The following KPNA3 variants were observed in gnomAD, a reference collection of about 807,000 sequenced individuals.
KPNA3 encodes the protein karyopherin subunit alpha 3.
Under a neutral mutation model 73.8 loss-of-function variants are expected in KPNA3, and 13 were observed. The ratio of observed to expected loss-of-function variants is 0.18; its 90% CI spans 0.11 to 0.28. The LOEUF (loss-of-function observed/expected upper bound fraction) is 0.28. KPNA3 is among the 10% of genes least tolerant of loss of function. KPNA3 has a pLI of 1.00. For synonymous variants in KPNA3, 186 were observed against 206.9 expected, an observed-to-expected ratio of 0.90 and a Z score of 0.87; for missense variants, 360 against 618.1, an observed-to-expected ratio of 0.58 and a Z score of 4.43.
At chr13:49,714,644 T>C (rs1377867446) in intron 10 of KPNA3, among the ~76,000 whole-genome samples, 1 of 152,144 alleles carries the variant, frequency 6.6e-6, no homozygotes, top group Non-Finnish European at 1.5e-5. Context: ...ACAGACTTGA[T>C]GCTATATAAA....
chr13:49,776,688 T>TTA, intron 1 of KPNA3, among the ~76,000 whole-genome samples: 1 of 152,170 alleles, frequency 6.6e-6, no homozygotes, highest in Non-Finnish European at 1.5e-5. Flanking sequence ...TATACAAGGA[T>TTA]CATTCCCAAA....
chr13:49,765,385 CT>C (rs1318475663), intron 1 of KPNA3, among the ~76,000 whole-genome samples: 2 of 152,150 alleles, frequency 1.3e-5, no homozygotes, highest in Non-Finnish European at 2.9e-5. Flanking sequence ...GAACCATTAC[CT>C]TTTTTGTCAT....
At chr13:49,725,546 CTTAAA>C (rs1271351079) in intron 6 of KPNA3, 45 bp from the exon 7 acceptor site, 15 of 1,180,456 alleles carry the variant, frequency 1.3e-5, no homozygotes, top group Middle Eastern at 1.9e-4. Context: ...ATAACTACCA[CTTAAA>C]TTAATGAATC....
Position 49,772,110 on chromosome 13 carries a change from T to C in KPNA3, c.69+20328A>G, listed in dbSNP as rs1178191793. Among the ~76,000 whole-genome samples, 4 of 152,230 alleles carry C rather than the reference T, an allele frequency of 2.6e-5. No homozygotes were observed. In the East Asian group the frequency reaches 7.7e-4, roughly 29 times the overall value. On this transcript the variant is annotated intron_variant, in intron 1 of 16. Coordinates refer to ENST00000261667, the MANE Select transcript of KPNA3 (RefSeq NM_002267.4). The stretch of plus-strand genomic sequence containing the variant: ...AGAATTTTCTATCCAGAAGATCATA[T>C]CATTTGCAAATAAAGAGTTTTAATT...
In KPNA3 at chr13:49,701,429, T is replaced by C. The variant is rs929419736; in HGVS notation, c.*371A>G. ...GTATATGCATCATACCAAAGTGTCT[T>C]GATCCACAGCGCACCATTTTCCAAA... On this transcript the variant is annotated 3_prime_UTR_variant, in exon 17 of 17. Coordinates refer to ENST00000261667, the MANE Select transcript of KPNA3 (RefSeq NM_002267.4). 8.5e-6 allele frequency: 4 copies of C among 470,588 alleles called. No homozygotes were observed. Among genetic ancestry groups the C allele is most frequent in the African/African-American group, 8.0e-5 (4 of 50,192 alleles). 29.2% of individuals were successfully genotyped at this position (470,588 alleles called of 1,614,324 possible).
intron 1 of KPNA3, among the ~76,000 whole-genome samples, chr13:49,776,169 G>T (rs1387468721): frequency 1.3e-5 from 2 of 152,140 alleles, no homozygotes; most frequent in African/African-American, 4.8e-5. Flanking sequence ...ACCCACCTCA[G>T]CCTCCCAAAG....
At chr13:49,707,277 T>TAA in intron 12 of KPNA3, among the ~76,000 whole-genome samples, 1 of 152,196 alleles carries the variant, frequency 6.6e-6, no homozygotes, top group Non-Finnish European at 1.5e-5. Flanking sequence ...GTATCACATG[T>TAA]GTATCTTCCT....
intron 1 of KPNA3, among the ~76,000 whole-genome samples, chr13:49,763,750 T>C (rs1364548980): frequency 2.6e-5 from 4 of 152,072 alleles, no homozygotes; most frequent in East Asian, 3.9e-4. Context: ...CCTGGCCAAC[T>C]TGGTGAAACC....
intron 6 of KPNA3, among the ~76,000 whole-genome samples, chr13:49,726,141 TA>T (rs1384103605): frequency 1.3e-5 from 2 of 152,194 alleles, no homozygotes; most frequent in Non-Finnish European, 2.9e-5. Flanking sequence ...TCACCCCTAA[TA>T]TCAAGTGCTA....
chr13:49,706,036 A>C, intron 14 of KPNA3, 62 bp downstream of exon 14: 2 of 1,428,158 alleles, frequency 1.4e-6, no homozygotes, highest in Non-Finnish European at 1.9e-6. Context: ...ACTACGAAAC[A>C]TAAGAGAGCA....
chr13:49,790,597 A>T (rs183206400), intron 1 of KPNA3, among the ~76,000 whole-genome samples: 1 of 152,376 alleles, frequency 6.6e-6, no homozygotes, highest in African/African-American at 2.4e-5. Context: ...TGTCTATTTC[A>T]TGTTTTAGTT....
intron 1 of KPNA3, among the ~76,000 whole-genome samples, chr13:49,775,633 G>C (rs9568329): frequency 2.0e-5 from 3 of 151,700 alleles, no homozygotes; most frequent in Non-Finnish European, 4.4e-5. Context: ...AAATCTCTAA[G>C]GCTGTAATTC....
chr13:49,718,727 T>C (rs1954327862), intron 10 of KPNA3, among the ~76,000 whole-genome samples: 1 of 152,220 alleles, frequency 6.6e-6, no homozygotes, highest in African/African-American at 2.4e-5. Context: ...TTCATTTTAA[T>C]GACATTTTAG....
chr13:49,779,069 A>G (rs377738812), intron 1 of KPNA3, among the ~76,000 whole-genome samples: 3 of 151,816 alleles, frequency 2.0e-5, no homozygotes, highest in African/African-American at 7.3e-5. Context: ...AGTTGGACTC[A>G]TTAAATTCCA....
intron 10 of KPNA3, among the ~76,000 whole-genome samples, chr13:49,718,196 A>G (rs766804643): frequency 6.6e-6 from 1 of 152,206 alleles, no homozygotes; most frequent in Admixed American, 6.5e-5. Context: ...GATACTGGTA[A>G]GATAAAAGGA....
At position 49,746,855 on chromosome 13, in the gene KPNA3, C is replaced by G. The variant is rs180794374; in HGVS notation, c.114+94G>C. 52 of 869,682 alleles carry G rather than the reference C, an allele frequency of 6.0e-5. No homozygotes were observed. The African/African-American group carries it at 7.3e-4, about 12-fold the overall frequency. The allele number at this position is 869,682 out of a possible 1,614,324, so 53.9% of individuals were successfully genotyped here. A position where few individuals can be genotyped will look rare whatever the true frequency, so the allele number is the denominator to read the frequency against. ...TGATGTGTGGTTTTAGGGATGACCA[C>G]TAATTTGCCACAGTATTTTCATTAT... On this transcript the variant is annotated intron_variant, in intron 2 of 16. Transcript: ENST00000261667.
At chr13:49,725,236 C>T (rs1280723184) in intron 7 of KPNA3, among the ~76,000 whole-genome samples, 180 bp downstream of exon 7, 2 of 152,072 alleles carry the variant, frequency 1.3e-5, no homozygotes, top group African/African-American at 2.4e-5. Context: ...TTAATAACCA[C>T]AATTAAAAAT....
intron 1 of KPNA3, among the ~76,000 whole-genome samples, chr13:49,753,269 T>C (rs551846244): frequency 2.6e-5 from 4 of 151,874 alleles, no homozygotes; most frequent in African/African-American, 2.4e-5. Context: ...CACTGAGAAA[T>C]ATACAAGTGA....
intron 2 of KPNA3, among the ~76,000 whole-genome samples, chr13:49,744,795 G>A (rs1318204424): frequency 6.6e-6 from 1 of 152,028 alleles, no homozygotes; most frequent in Non-Finnish European, 1.5e-5. Flanking sequence ...GCGGGGAAAG[G>A]GTACAGGAGA....
Sources: allele counts gnomAD v4.1 joint callset (sites outside exome capture counted in the v4.1 genomes callset), GRCh38; gene constraint gnomAD v4.1.1; transcripts MANE v1.5; gene names NCBI Gene and HGNC (gene_info 2026-07-23, HGNC 2026-07-21).